Variants in ZNF136 observed in about 807,000 individuals in gnomAD.
ZNF136 encodes zinc finger protein 136, also known as zinc finger protein 136 (clone pHZ-20).
In ZNF136, 8 loss-of-function variants were observed where a neutral mutation model predicts 11.4. The observed-to-expected ratio is 0.70, with a 90% CI of 0.41 to 1.27. The LOEUF (loss-of-function observed/expected upper bound fraction) is 1.27, where lower values mean the gene tolerates loss of function less well. Ranked by LOEUF, ZNF136 falls within the 50% of genes most tolerant of loss-of-function variation. ZNF136 has a pLI of 0.01. For missense variants in ZNF136, 590 were observed against 656.5 expected (o/e 0.90, Z 1.11); for synonymous variants, 190 against 207.1 (o/e 0.92, Z 0.71).
chr19:12,171,956 A>T (rs531297581), intron 1 of ZNF136, among the ~76,000 whole-genome samples: 2 of 150,400 alleles, frequency 1.3e-5, no homozygotes, highest in Admixed American at 6.6e-5. Flanking sequence ...AAATTTTAAA[A>T]TTTTTTATTT....
rs1915207407 is a variant in ZNF136, at chr19:12,189,705, T to G, written c.*1704T>G. 1 of 151,992 alleles carries G rather than the reference T, an allele frequency of 6.6e-6. No individual in the cohort carries two copies. The highest frequency in any genetic ancestry group is 2.4e-5 in the African/African-American group (1 of 41,370). The allele number at this position is 151,992 out of a possible 1,614,324, so 9.4% of individuals were successfully genotyped here. On this transcript the variant is annotated 3_prime_UTR_variant, in exon 4 of 4. Coordinates refer to ENST00000343979, the MANE Select transcript of ZNF136 (RefSeq NM_003437.5). ...TTTTATTTTGCTTCCTATTAAAGAG[T>G]TGTTGTTAATTCTAAGTATGTAAAG...
chr19:12,185,627 T>TA, intron 1 of ZNF136, 158 bp from the exon 2 acceptor site: 1 of 835,618 alleles, frequency 1.2e-6, no homozygotes, highest in Non-Finnish European at 1.8e-6. Context: ...CATTCTAGTA[T>TA]GAGAGTTGCT....
intron 1 of ZNF136, among the ~76,000 whole-genome samples, chr19:12,169,566 C>T (rs997218303): frequency 2.6e-5 from 4 of 151,800 alleles, no homozygotes; most frequent in African/African-American, 9.7e-5. Context: ...CTAATTTCAT[C>T]CTCCTTCTCT....
chr19:12,176,753 A>G (rs1568400621), intron 1 of ZNF136, among the ~76,000 whole-genome samples: 1 of 152,172 alleles, frequency 6.6e-6, no homozygotes, highest in Non-Finnish European at 1.5e-5. Flanking sequence ...TATAAGTAGA[A>G]TATGCAGTGT....
intron 1 of ZNF136, among the ~76,000 whole-genome samples, chr19:12,179,284 A>G (rs975499693): frequency 2.0e-5 from 3 of 151,788 alleles, no homozygotes; most frequent in Non-Finnish European, 4.4e-5. Context: ...TATCAATAGG[A>G]GAGCGCTCAA....
chr19:12,187,393 A>G lies in ZNF136; in HGVS notation c.1015A>G (p.Lys339Glu), dbSNP rs1020435131. 2 of 1,613,996 alleles carry G rather than the reference A, an allele frequency of 1.2e-6. No homozygotes were observed. The part of the protein sequence containing the change: ...IHTGEKPFVC[K>E]QCGKAFRSAS... ...CACTGGTGAGAAACCCTTCGTATGT[A>G]AACAATGTGGTAAAGCCTTTAGATC... The change falls in exon 4 of 4, where the codon AAA (lysine) becomes GAA (glutamate). Residue 339 changes from lysine (K) to glutamate (E), a missense_variant. Transcript: ENST00000343979.
chr19:12,177,504 A>G (rs1427918699), intron 1 of ZNF136, among the ~76,000 whole-genome samples: 1 of 152,152 alleles, frequency 6.6e-6, no homozygotes, highest in African/African-American at 2.4e-5. Context: ...ACATGCCACC[A>G]TGCCCAGCTA....
rs549308281 is a variant in ZNF136, at chr19:12,165,321, G to T, written c.3+2115G>T. Among the ~76,000 whole-genome samples, 5 of 152,288 alleles carry T rather than the reference G, an allele frequency of 3.3e-5. No individual in the cohort carries two copies. The East Asian group carries it at 5.8e-4, about 18-fold the overall frequency. ...ATGACCTCTGCTGACACTGGAGTCA[G>T]ACGAATGTCTGTATTCCAGGTCAGC... On this transcript the variant is annotated intron_variant, in intron 1 of 3. Transcript: ENST00000343979.
chr19:12,187,543 G>C lies in ZNF136; in HGVS notation c.1165G>C (p.Glu389Gln). 6.2e-7 allele frequency: 1 copy of C among 1,613,882 alleles called. No homozygotes were observed. The highest frequency in any genetic ancestry group is 8.5e-7 in the Non-Finnish European group (1 of 1,179,970). ...MRRHMIKHTG[E>Q]GPYKCKVCGK... ...AAGACACATGATAAAACATACTGGA[G>C]AAGGACCTTATAAATGTAAGGTATG... The change falls in exon 4 of 4, where the codon GAA becomes CAA. Residue 389 changes from glutamate (E) to glutamine (Q), a missense_variant. Coordinates refer to ENST00000343979, the MANE Select transcript of ZNF136 (RefSeq NM_003437.5).
At chr19:12,170,811 A>G (rs573322527) in intron 1 of ZNF136, among the ~76,000 whole-genome samples, 19 of 151,466 alleles carry the variant, frequency 1.3e-4, no homozygotes, top group African/African-American at 4.1e-4. Context: ...CTGGGATTAC[A>G]GTCACATGCC....
chr19:12,186,420 T>C (rs1204539174), intron 3 of ZNF136, 150 bp from the exon 4 acceptor site: 4 of 797,980 alleles, frequency 5.0e-6, no homozygotes, highest in Non-Finnish European at 7.8e-6. Flanking sequence ...GTCAAGCCCA[T>C]TGCAGAGCAT....
intron 1 of ZNF136, among the ~76,000 whole-genome samples, chr19:12,182,069 GCTGA>G (rs1914957136): frequency 4.0e-5 from 6 of 151,854 alleles, no homozygotes; most frequent in Admixed American, 3.9e-4. Context: ...ACCATGCCCA[GCTGA>G]CTATTTGTCC....
At chr19:12,170,725 A>G (rs1162120962) in intron 1 of ZNF136, among the ~76,000 whole-genome samples, 1 of 150,710 alleles carries the variant, frequency 6.6e-6, no homozygotes, top group Non-Finnish European at 1.5e-5. Context: ...GCTGGAGTGC[A>G]GTGGCGCGAT....
chr19:12,187,870 C>CA lies in ZNF136; in HGVS notation c.1493dup (p.His498GlnfsTer31). On this transcript the variant is annotated frameshift_variant, in exon 4 of 4. Coordinates refer to ENST00000343979, the MANE Select transcript of ZNF136 (RefSeq NM_003437.5). LOFTEE classifies it low-confidence loss of function (END_TRUNC). ...TTCCTTTCGACTACATGAAAGGACTCACACTGGACAGAAACCCTATCATTG... is the reference window on the plus strand; with the variant it reads ...TTCCTTTCGACTACATGAAAGGACTCAACACTGGACAGAAACCCTATCATTG... 1 of 1,602,510 alleles carries CA rather than the reference C, an allele frequency of 6.2e-7. No homozygotes were observed. Among genetic ancestry groups the CA allele is most frequent in the Non-Finnish European group, 8.5e-7 (1 of 1,176,494 alleles).
At position 12,187,748 on chromosome 19, in the gene ZNF136, TC is replaced by T; in HGVS notation, c.1371del (p.Phe457LeufsTer12). On this transcript the variant is annotated frameshift_variant, in exon 4 of 4. Coordinates refer to ENST00000343979, the MANE Select transcript of ZNF136 (RefSeq NM_003437.5). LOFTEE classifies it low-confidence loss of function (END_TRUNC). The part of the protein sequence containing the change: ...PYECKQCGKA[F>X]SYLNSFRTHE... ...GAGTGTAAGCAATGTGGGAAAGCCT[TC>T]AGTTATCTCAACTCCTTTCGAACAC... is the stretch of plus-strand genomic sequence containing the variant. 6.2e-7 allele frequency: 1 copy of T among 1,613,382 alleles called. No homozygotes were observed.
intron 1 of ZNF136, among the ~76,000 whole-genome samples, chr19:12,166,285 T>C (rs1223502034): frequency 6.6e-6 from 1 of 152,194 alleles, no homozygotes; most frequent in African/African-American, 2.4e-5. Context: ...TTTTCTTTTA[T>C]TCTTTCCCAG....
intron 1 of ZNF136, among the ~76,000 whole-genome samples, chr19:12,167,150 G>A (rs1387542100): frequency 1.3e-5 from 2 of 152,210 alleles, no homozygotes; most frequent in African/African-American, 4.8e-5. Flanking sequence ...TTCAGGCTGA[G>A]AGTGGGTCAA....
intron 1 of ZNF136, among the ~76,000 whole-genome samples, chr19:12,163,552 T>G (rs1295892881): frequency 1.3e-5 from 2 of 152,208 alleles, no homozygotes; most frequent in African/African-American, 4.8e-5. Flanking sequence ...GTTCCTTTTC[T>G]CTCCACAGAG....
Position 12,188,049 on chromosome 19 carries a change from C to T in ZNF136, c.*48C>T, listed in dbSNP as rs780697956. ...CATTAAAATACTCACTGAAGAGAAG[C>T]CCTATGAATGTAAGTAACGTGGGAA... On this transcript the variant is annotated 3_prime_UTR_variant, in exon 4 of 4. Transcript: ENST00000343979. 1.4e-6 allele frequency: 2 copies of T among 1,427,906 alleles called. No homozygotes were observed. The highest frequency in any genetic ancestry group is 1.8e-6 in the Non-Finnish European group (2 of 1,081,842). The allele number at this position is 1,427,906 out of a possible 1,614,324, so 88.5% of individuals were successfully genotyped here. A position where few individuals can be genotyped will look rare whatever the true frequency, so the allele number is the denominator to read the frequency against.
Sources: gnomAD v4.1 joint callset for allele counts (sites outside exome capture counted in the v4.1 genomes callset) on GRCh38, gnomAD v4.1.1 for gene constraint, MANE v1.5 for transcripts, NCBI Gene and HGNC (gene_info 2026-07-23, HGNC 2026-07-21) for gene names.